ARID1B: variants seen among roughly 807,000 people sequenced by gnomAD.
The protein encoded by ARID1B is AT-rich interaction domain 1B.
In ARID1B, 30 loss-of-function variants were observed where a neutral mutation model predicts 212.3. That is an observed-to-expected ratio of 0.14 (90% CI 0.11 to 0.19). The LOEUF (loss-of-function observed/expected upper bound fraction) is 0.19, where lower values mean the gene tolerates loss of function less well. ARID1B is among the 10% of genes least tolerant of loss of function. ARID1B has a pLI of 1.00. For synonymous variants in ARID1B, 1,402 were observed against 1,301.7 expected (o/e 1.08, Z -1.66); for missense variants, 2,891 against 3,204.0 (o/e 0.90, Z 2.36).
chr6:156,806,711 T>A (rs983075340), intron 1 of ARID1B, among the ~76,000 whole-genome samples: 7 of 152,234 alleles, frequency 4.6e-5, no homozygotes, highest in Non-Finnish European at 8.8e-5. Flanking sequence ...CTCACACTGT[T>A]GCTGTGGTGT....
chr6:156,945,961 A>G (rs937947095), intron 4 of ARID1B, among the ~76,000 whole-genome samples: 2 of 152,144 alleles, frequency 1.3e-5, no homozygotes, highest in African/African-American at 4.8e-5. Context: ...GTGAGCAGTG[A>G]TCACGTCACT....
chr6:156,837,131 A>G (rs1783568939), intron 2 of ARID1B, among the ~76,000 whole-genome samples: 1 of 152,188 alleles, frequency 6.6e-6, no homozygotes, highest in Admixed American at 6.5e-5. Context: ...CAGTCTAATA[A>G]ATTATTTTCT....
chr6:157,070,817 G>GA (rs1783964280), intron 4 of ARID1B, among the ~76,000 whole-genome samples: 1 of 152,228 alleles, frequency 6.6e-6, no homozygotes, highest in Non-Finnish European at 1.5e-5. Flanking sequence ...GAAGCCCATA[G>GA]AAAAGCAAAT....
intron 4 of ARID1B, among the ~76,000 whole-genome samples, chr6:157,022,128 G>A (rs922275360): frequency 2.0e-5 from 3 of 149,202 alleles, no homozygotes; most frequent in Admixed American, 6.7e-5. Flanking sequence ...AGGCCGCCAA[G>A]AACAGGGCGG....
At chr6:156,974,368 A>T (rs1443411311) in intron 4 of ARID1B, among the ~76,000 whole-genome samples, 4 of 152,184 alleles carry the variant, frequency 2.6e-5, no homozygotes, top group African/African-American at 9.6e-5. Context: ...TTTTGCAGCA[A>T]ACCAACATTT....
At chr6:156,800,000 C>T (rs1168641232) in intron 1 of ARID1B, among the ~76,000 whole-genome samples, 1 of 152,164 alleles carries the variant, frequency 6.6e-6, no homozygotes, top group Non-Finnish European at 1.5e-5. Context: ...CACCCCCACC[C>T]CTGCCATGGA....
At chr6:156,784,882 C>G (rs1003212857) in intron 1 of ARID1B, among the ~76,000 whole-genome samples, 28 of 152,164 alleles carry the variant, frequency 1.8e-4, no homozygotes, top group Non-Finnish European at 3.1e-4. Context: ...GCCTCAGCCC[C>G]GCAAGCAGCT....
rs563608534 is a variant in ARID1B at position 157,045,083 on chromosome 6, G to A, written c.2248-39579G>A. Among the ~76,000 whole-genome samples the A allele has an allele frequency of 1.1e-3, 165 of 152,332 alleles. 1 individual carries two copies. Among genetic ancestry groups the A allele is most frequent in the African/African-American group, 3.8e-3 (156 of 41,570 alleles). On this transcript the variant is annotated intron_variant, in intron 4 of 19. Transcript: ENST00000636930. ...ACAGAAGGAATTTGCTGTTCAGGTA[G>A]AGTGCTATAAAGCAGAGGGGATGTT...
At chr6:156,824,086 A>G (rs1317256080) in intron 1 of ARID1B, among the ~76,000 whole-genome samples, 5 of 152,256 alleles carry the variant, frequency 3.3e-5, no homozygotes, top group Admixed American at 3.3e-4. Flanking sequence ...TCTTAAAAAT[A>G]GACAATGTAT....
chr6:157,047,088 CA>C (rs1319461712), intron 4 of ARID1B, among the ~76,000 whole-genome samples: 2 of 152,048 alleles, frequency 1.3e-5, no homozygotes, highest in East Asian at 3.8e-4. Context: ...TTTCGCAGCT[CA>C]AAAAATGGTG....
chr6:156,945,471 G>A (rs548427713), intron 4 of ARID1B, among the ~76,000 whole-genome samples: 5 of 151,698 alleles, frequency 3.3e-5, no homozygotes, highest in Non-Finnish European at 5.9e-5. Context: ...AGTGTGCTGC[G>A]GCCTCCTGGC....
chr6:156,823,688 G>GTTTTTTTTTTTTTTTTTTTTT (rs56983474), intron 1 of ARID1B, among the ~76,000 whole-genome samples: 1 of 118,030 alleles, frequency 8.5e-6, no homozygotes. Flanking sequence ...TTTCTTTGTT[G>GTTTTTTTTTTTTTTTTTTTTT]TTTTTTTTTT....
At chr6:156,967,283 A>G (rs1251390143) in intron 4 of ARID1B, among the ~76,000 whole-genome samples, 1 of 152,250 alleles carries the variant, frequency 6.6e-6, no homozygotes, top group Admixed American at 6.5e-5. Context: ...ATGGCCACAT[A>G]CATACACATA....
intron 2 of ARID1B, among the ~76,000 whole-genome samples, chr6:156,837,344 A>G (rs1285042580): frequency 6.6e-6 from 1 of 152,228 alleles, no homozygotes; most frequent in Non-Finnish European, 1.5e-5. Flanking sequence ...GCTACTTTCT[A>G]AGTAGTTCTG....
chr6:157,185,868 A>G (rs1385618783), intron 13 of ARID1B: 2 of 152,238 alleles, frequency 1.3e-5, no homozygotes, highest in South Asian at 4.1e-4. Flanking sequence ...TCTAAAAACA[A>G]GTAGAAATCC....
chr6:156,839,468 C>T (rs1783740992), intron 2 of ARID1B, among the ~76,000 whole-genome samples: 1 of 152,180 alleles, frequency 6.6e-6, no homozygotes, highest in Non-Finnish European at 1.5e-5. Context: ...AAATTTTCAA[C>T]ACATGAAATT....
intron 4 of ARID1B, among the ~76,000 whole-genome samples, chr6:156,993,125 C>T (rs1046111481): frequency 2.0e-5 from 3 of 148,372 alleles, no homozygotes; most frequent in Non-Finnish European, 4.4e-5. Flanking sequence ...TCACTGCAAA[C>T]TCCGCCTCCC....
intron 3 of ARID1B, among the ~76,000 whole-genome samples, chr6:156,914,789 CA>C (rs1327107264): frequency 3.9e-5 from 6 of 152,230 alleles, no homozygotes; most frequent in Admixed American, 3.9e-4. Flanking sequence ...CCTTTATCCA[CA>C]AACCTGCCCT....
intron 2 of ARID1B, among the ~76,000 whole-genome samples, chr6:156,897,255 C>CTTATTATTATTATTATTATTATTA (rs1367763317): frequency 2.7e-4 from 24 of 90,178 alleles, no homozygotes; most frequent in Admixed American, 5.1e-4. Flanking sequence ...TCTTCTTCTT[C>CTTATTATTATTATTATTATTATTA]TTCTTCTTCT....
Sources: gnomAD v4.1 joint callset for allele counts (sites outside exome capture counted in the v4.1 genomes callset) on GRCh38, gnomAD v4.1.1 for gene constraint, MANE v1.5 for transcripts, NCBI Gene and HGNC (gene_info 2026-07-23, HGNC 2026-07-21) for gene names.